FAM120B: variants seen among roughly 807,000 people sequenced by gnomAD.
FAM120B encodes the protein constitutive coactivator of peroxisome proliferator-activated receptor gamma.
FAM120B carries 83 observed loss-of-function variants against 96.3 expected under a neutral mutation model. That is an observed-to-expected ratio of 0.86 (90% confidence interval 0.72 to 1.03). The LOEUF (loss-of-function observed/expected upper bound fraction) is 1.03, where lower values mean the gene tolerates loss of function less well. Among genes scored for constraint, FAM120B ranks in the 50% least tolerant of loss-of-function variants. FAM120B has a pLI of 0.00. For missense variants in FAM120B, 1,027 were observed against 1,121.2 expected, an observed-to-expected ratio of 0.92 and a Z score of 1.20; for synonymous variants, 407 against 402.7, an observed-to-expected ratio of 1.01 and a Z score of -0.13.
upstream of FAM120B, among the ~76,000 whole-genome samples, chr6:170,304,176 C>G (rs1343084970): frequency 6.6e-6 from 1 of 152,180 alleles, no homozygotes; most frequent in Non-Finnish European, 1.5e-5. Context: ...TACATCCTAC[C>G]CACAAACAGC....
Position 170,326,706 on chromosome 6 carries a change from T to A in FAM120B, c.1915+3447T>A, listed in dbSNP as rs527450710. Among the ~76,000 whole-genome samples the A allele has an allele frequency of 3.3e-5, 5 of 152,306 alleles. No homozygotes were observed. The East Asian group carries it at 9.7e-4, about 29-fold the overall frequency. The stretch of plus-strand genomic sequence containing the variant: ...TGTGCCAGGAAGCCTTTATTCAATT[T>A]TCCCATGTGACAGAACTTGAATTTT... On this transcript the variant is annotated intron_variant, in intron 3 of 10. Coordinates refer to ENST00000476287, the MANE Select transcript of FAM120B (RefSeq NM_032448.3).
chr6:170,375,761 G>T (rs778682326), intron 6 of FAM120B, among the ~76,000 whole-genome samples: 35 of 152,260 alleles, frequency 2.3e-4, no homozygotes, highest in Middle Eastern at 6.8e-3. Context: ...CATAGGAGAC[G>T]CACAGGGCAC....
At chr6:170,399,641 G>T (rs79469100) in intron 9 of FAM120B, among the ~76,000 whole-genome samples, 1 of 134,686 alleles carries the variant, frequency 7.4e-6, no homozygotes, top group Admixed American at 7.3e-5. Context: ...AGTGAGTGGG[G>T]AAGGTAGAAC....
At chr6:170,379,923 C>G (rs1466548676) in intron 6 of FAM120B, among the ~76,000 whole-genome samples, 2 of 152,200 alleles carry the variant, frequency 1.3e-5, no homozygotes, top group East Asian at 1.9e-4. Context: ...GTTATTAACT[C>G]TAGTCCTCGT....
chr6:170,297,452 G>A (rs1284406274), intron 1 of FAM120B, among the ~76,000 whole-genome samples: 1 of 152,224 alleles, frequency 6.6e-6, no homozygotes, highest in Non-Finnish European at 1.5e-5. Context: ...TGTGCACAGA[G>A]TCACTAAATA....
rs1583209033 is a variant in FAM120B, at chr6:170,328,940, C to T, written c.1916-1509C>T. The stretch of plus-strand genomic sequence containing the variant: ...TGTGTCCATTGTGGCTTTTACTTTA[C>T]AGCTAGCACAGCCCTACTCCTAAGG... On this transcript the variant is annotated intron_variant, in intron 3 of 10. Transcript: ENST00000476287. Among the ~76,000 whole-genome samples, 4 of 152,206 alleles carry T rather than the reference C, an allele frequency of 2.6e-5. No homozygotes were observed. The South Asian group carries it at 8.3e-4, about 32-fold the overall frequency.
chr6:170,344,099 A>G (rs1348354470), intron 4 of FAM120B, among the ~76,000 whole-genome samples: 2 of 135,416 alleles, frequency 1.5e-5, no homozygotes, highest in Non-Finnish European at 3.1e-5. Flanking sequence ...CGTTCAGTCC[A>G]TTCACCTGCA....
intron 9 of FAM120B, among the ~76,000 whole-genome samples, chr6:170,403,475 C>A (rs1308229469): frequency 6.6e-6 from 1 of 152,126 alleles, no homozygotes; most frequent in African/African-American, 2.4e-5. Flanking sequence ...CTAAAAATGC[C>A]TCTTCATGAA....
chr6:170,360,200 C>T (rs1345094287), intron 6 of FAM120B, among the ~76,000 whole-genome samples: 1 of 152,208 alleles, frequency 6.6e-6, no homozygotes, highest in African/African-American at 2.4e-5. Flanking sequence ...TGGGTCTACC[C>T]TTCACCAGCT....
At chr6:170,322,375 G>A (rs1785350242) in intron 2 of FAM120B, among the ~76,000 whole-genome samples, 2 of 152,188 alleles carry the variant, frequency 1.3e-5, no homozygotes, top group South Asian at 4.1e-4. Flanking sequence ...TCCTGTCTAA[G>A]GGAGGAGGAG....
chr6:170,291,388 G>C (rs1783868440), upstream of FAM120B, among the ~76,000 whole-genome samples: 1 of 151,872 alleles, frequency 6.6e-6, no homozygotes, highest in Non-Finnish European at 1.5e-5. Context: ...CGGCAGCCGA[G>C]GGGTCTCCTT....
intron 7 of FAM120B, among the ~76,000 whole-genome samples, chr6:170,389,274 A>T (rs1790356292): frequency 6.6e-6 from 1 of 152,238 alleles, no homozygotes; most frequent in African/African-American, 2.4e-5. Flanking sequence ...AATTTTATAC[A>T]GTATTATTAA....
intron 5 of FAM120B, among the ~76,000 whole-genome samples, chr6:170,350,258 C>T (rs558086418): frequency 1.3e-5 from 2 of 152,198 alleles, no homozygotes; most frequent in African/African-American, 4.8e-5. Context: ...ATTTAAGACC[C>T]TCTGGCTTGG....
chr6:170,304,563 T>C (rs899642807), upstream of FAM120B, among the ~76,000 whole-genome samples: 31 of 152,218 alleles, frequency 2.0e-4, no homozygotes, highest in African/African-American at 7.2e-4. Context: ...TTCTTTTTTG[T>C]TCCATCATCT....
At chr6:170,301,125 C>A (rs985972781) in intron 1 of FAM120B, among the ~76,000 whole-genome samples, 4 of 152,258 alleles carry the variant, frequency 2.6e-5, no homozygotes, top group Non-Finnish European at 5.9e-5. Flanking sequence ...TTTGCCCCTG[C>A]AGCAGACCTC....
At chr6:170,313,699 G>C (rs1784734144) in intron 1 of FAM120B, among the ~76,000 whole-genome samples, 1 of 152,218 alleles carries the variant, frequency 6.6e-6, no homozygotes, top group Non-Finnish European at 1.5e-5. Flanking sequence ...CTAATGGACT[G>C]TGTGAGCTTG....
At position 170,317,369 on chromosome 6, in the gene FAM120B, G is replaced by A; in HGVS notation, c.-21-1G>A. On this transcript the variant is annotated splice_acceptor_variant, in intron 1 of 10. Coordinates refer to ENST00000476287, the MANE Select transcript of FAM120B (RefSeq NM_032448.3). LOFTEE classifies it low-confidence loss of function (5UTR_SPLICE). ...ACTGATTAATTTATCTTTCTTTCCA[G>A]ATCCTTTCCCGGAGTTCAGTTATGG... The A allele has an allele frequency of 6.3e-7, 1 of 1,593,476 alleles. No homozygotes were observed. Among genetic ancestry groups the A allele is most frequent in the Non-Finnish European group, 8.6e-7 (1 of 1,164,380 alleles).
intron 5 of FAM120B, among the ~76,000 whole-genome samples, chr6:170,354,726 A>G (rs1419816830): frequency 6.6e-6 from 1 of 151,840 alleles, no homozygotes; most frequent in East Asian, 1.9e-4. Flanking sequence ...GATCAAGACC[A>G]TCCTGGCTAA....
In FAM120B at chr6:170,338,317, C is replaced by T. The variant is rs534184316; in HGVS notation, c.2017+7767C>T. ...AGTAGTCATTCAGGAGCAGGCTGCT[C>T]GGTTTCCATGTAGTTGTGCAGTTTT... On this transcript the variant is annotated intron_variant, in intron 4 of 10. Coordinates refer to ENST00000476287, the MANE Select transcript of FAM120B (RefSeq NM_032448.3). Among the ~76,000 whole-genome samples, 5 of 152,284 alleles carry T rather than the reference C, an allele frequency of 3.3e-5. No homozygotes were observed. The South Asian group carries it at 8.3e-4, about 25-fold the overall frequency.
Sources: allele counts gnomAD v4.1 joint callset (sites outside exome capture counted in the v4.1 genomes callset), GRCh38; gene constraint gnomAD v4.1.1; transcripts MANE v1.5; gene names NCBI Gene and HGNC (gene_info 2026-07-23, HGNC 2026-07-21).